The following CFAP54 variants were observed in gnomAD, a reference collection of about 807,000 sequenced individuals.
CFAP54 encodes the protein cilia- and flagella-associated protein 54.
Under a neutral mutation model 370.4 loss-of-function variants are expected in CFAP54, and 290 were observed. The observed-to-expected ratio is 0.78, with a 90% CI of 0.71 to 0.86. The LOEUF (loss-of-function observed/expected upper bound fraction) is 0.86. Ranked by LOEUF, CFAP54 falls within the 40% of genes least tolerant of loss-of-function variation. CFAP54 has a pLI of 0.00. For synonymous variants in CFAP54, 1,206 were observed against 1,236.5 expected (o/e 0.98, Z 0.52); for missense variants, 3,399 against 3,528.7 (o/e 0.96, Z 0.93).
rs11832238 is a variant in CFAP54, at chr12:96,554,627, G to A, written c.2284-49G>A. 13,238 of 1,454,454 alleles carry A rather than the reference G, an allele frequency of 9.1e-3. 248 individuals carry two copies. The highest frequency in any genetic ancestry group is 0.071 in the African/African-American group (5,008 of 70,674). The allele number at this position is 1,454,454 out of a possible 1,614,324, so 90.1% of individuals were successfully genotyped here. A position where few individuals can be genotyped will look rare whatever the true frequency, so the allele number is the denominator to read the frequency against. ...GATAATAGTATACAGCTATTTTTGTGTGTTTTGATAACTATATTTCTTTTT... is the reference window on the plus strand; with the variant it reads ...GATAATAGTATACAGCTATTTTTGTATGTTTTGATAACTATATTTCTTTTT... On this transcript the variant is annotated intron_variant, in intron 16 of 67. Transcript: ENST00000524981.
intron 44 of CFAP54, 63 bp downstream of exon 44, chr12:96,691,373 C>T: frequency 8.1e-7 from 1 of 1,238,968 alleles, no homozygotes; most frequent in Non-Finnish European, 1.1e-6. Context: ...TTACCTCATA[C>T]TTTTAAAATT....
chr12:96,498,607 GGCACCACTGCACTCAA>G (rs1954985578), intron 1 of CFAP54, among the ~76,000 whole-genome samples: 1 of 152,104 alleles, frequency 6.6e-6, no homozygotes. Flanking sequence ...GAGCTGAGAT[GGCACCACTGCACTCAA>G]GCCTGGTGAC....
chr12:96,718,414 G>A, intron 48 of CFAP54, 29 bp from the exon 49 acceptor site: 1 of 1,074,332 alleles, frequency 9.3e-7, no homozygotes. Flanking sequence ...AGATATCCTT[G>A]GTCCTTCCAA....
At chr12:96,591,533 C>T (rs973676467) in intron 23 of CFAP54, among the ~76,000 whole-genome samples, 2 of 152,004 alleles carry the variant, frequency 1.3e-5, no homozygotes, top group Non-Finnish European at 2.9e-5. Context: ...GATGATAACA[C>T]TATGGTGGTC....
At chr12:96,873,417 G>A (rs1309062271) in intron 67 of CFAP54, among the ~76,000 whole-genome samples, 3 of 152,168 alleles carry the variant, frequency 2.0e-5, no homozygotes, top group Non-Finnish European at 2.9e-5. Flanking sequence ...TGAAGATTCC[G>A]GAGGTAAGGT....
intron 1 of CFAP54, among the ~76,000 whole-genome samples, chr12:96,495,045 A>G (rs1954934362): frequency 6.6e-6 from 1 of 152,106 alleles, no homozygotes; most frequent in Admixed American, 6.6e-5. Context: ...TATTTTTTGT[A>G]TCAAAATTTG....
chr12:96,575,539 G>GTAA (rs1863968622), intron 19 of CFAP54, among the ~76,000 whole-genome samples: 1 of 152,056 alleles, frequency 6.6e-6, no homozygotes, highest in African/African-American at 2.4e-5. Context: ...AGGAGGAGTA[G>GTAA]TAATCACAAT....
intron 48 of CFAP54, among the ~76,000 whole-genome samples, chr12:96,716,824 A>T (rs1218361950): frequency 1.3e-5 from 2 of 152,220 alleles, no homozygotes; most frequent in African/African-American, 4.8e-5. Flanking sequence ...AGAGGCCAGG[A>T]AGTATAGCTT....
rs140111315 is a variant in CFAP54 at position 96,616,880 on chromosome 12, A to G, written c.3640-4710A>G. 3.9e-5 allele frequency among the ~76,000 whole-genome samples: 6 copies of G among 152,326 alleles called. No individual in the cohort carries two copies. The East Asian group carries it at 7.7e-4, about 20-fold the overall frequency. On this transcript the variant is annotated intron_variant, in intron 26 of 67. Coordinates refer to ENST00000524981, the MANE Select transcript of CFAP54 (RefSeq NM_001306084.2). ...AGGAGATTTGTATTTTAGAAAAAAG[A>G]AATTGTTCTTGTTGTACAACAGCTA...
chr12:96,728,264 C>A (rs1254176781), intron 50 of CFAP54, among the ~76,000 whole-genome samples: 1 of 152,044 alleles, frequency 6.6e-6, no homozygotes, highest in Non-Finnish European at 1.5e-5. Flanking sequence ...TAATATCCTG[C>A]AGAGTGTTTT....
chr12:96,521,833 T>C, intron 6 of CFAP54, 24 bp from the exon 7 acceptor site: 1 of 1,442,844 alleles, frequency 6.9e-7, no homozygotes, highest in Non-Finnish European at 9.3e-7. Flanking sequence ...ATTTATGAAT[T>C]AAATTTATTT....
intron 66 of CFAP54, among the ~76,000 whole-genome samples, chr12:96,848,123 C>A (rs1959410880): frequency 6.6e-6 from 1 of 152,148 alleles, no homozygotes; most frequent in Non-Finnish European, 1.5e-5. Context: ...GTTGCCCAGG[C>A]TGTAGTACAA....
At chr12:96,710,840 T>C (rs1010320201) in intron 48 of CFAP54, among the ~76,000 whole-genome samples, 3 of 152,134 alleles carry the variant, frequency 2.0e-5, no homozygotes, top group Non-Finnish European at 4.4e-5. Flanking sequence ...TTTGTATTTT[T>C]AGTAGAGACG....
At chr12:96,535,036 G>A (rs1377541560) in intron 11 of CFAP54, among the ~76,000 whole-genome samples, 1 of 148,830 alleles carries the variant, frequency 6.7e-6, no homozygotes, top group Non-Finnish European at 1.5e-5. Context: ...GTGTGTGTGT[G>A]TGTGTGTGTG....
chr12:96,650,123 C>T (rs1284113186), intron 35 of CFAP54, 51 bp downstream of exon 35: 1 of 1,443,624 alleles, frequency 6.9e-7, no homozygotes. Flanking sequence ...TTTCAGCCCA[C>T]CAACTTGGGC....
intron 60 of CFAP54, among the ~76,000 whole-genome samples, chr12:96,776,595 A>G (rs1471030407): frequency 6.6e-6 from 1 of 152,222 alleles, no homozygotes; most frequent in East Asian, 1.9e-4. Context: ...TAGTTAGAAA[A>G]TGGAGGAGTA....
At chr12:96,687,130 C>T (rs958245575) in intron 42 of CFAP54, among the ~76,000 whole-genome samples, 6 of 152,150 alleles carry the variant, frequency 3.9e-5, no homozygotes, top group Non-Finnish European at 5.9e-5. Flanking sequence ...CTGTCTGTCT[C>T]TCATATTTTC....
intron 17 of CFAP54, among the ~76,000 whole-genome samples, chr12:96,563,626 C>G (rs1283592270): frequency 6.6e-6 from 1 of 152,078 alleles, no homozygotes; most frequent in African/African-American, 2.4e-5. Context: ...CTGCAGATGC[C>G]TTCTATTCTT....
At chr12:96,566,408 T>C (rs1234207260) in intron 19 of CFAP54, among the ~76,000 whole-genome samples, 1 of 152,184 alleles carries the variant, frequency 6.6e-6, no homozygotes, top group Non-Finnish European at 1.5e-5. Flanking sequence ...TTGATCCGTA[T>C]GGTGGTATGA....
Sources: gnomAD v4.1 joint callset for allele counts (sites outside exome capture counted in the v4.1 genomes callset) on GRCh38, gnomAD v4.1.1 for gene constraint, MANE v1.5 for transcripts, NCBI Gene and HGNC (gene_info 2026-07-23, HGNC 2026-07-21) for gene names.